Variants in WWOX observed in about 807,000 individuals in gnomAD.
The protein encoded by WWOX is WW domain containing oxidoreductase.
In WWOX, 69 loss-of-function variants were observed where a neutral mutation model predicts 46.2. The observed-to-expected ratio is 1.49, with a 90% CI of 1.23 to 1.82. The LOEUF (loss-of-function observed/expected upper bound fraction) is 1.82, where lower values mean the gene tolerates loss of function less well. Among genes scored for constraint, WWOX ranks in the 40% most tolerant of loss-of-function variants. WWOX has a pLI of 0.00. For synonymous variants in WWOX, 359 were observed against 202.6 expected (o/e 1.77, Z -6.56); for missense variants, 919 against 542.6 (o/e 1.69, Z -6.89).
chr16:79,141,290 T>C (rs1421319390), intron 8 of WWOX, among the ~76,000 whole-genome samples: 1 of 152,178 alleles, frequency 6.6e-6, no homozygotes, highest in Non-Finnish European at 1.5e-5. Flanking sequence ...ACCGAACGAG[T>C]GTTCATCTTG....
At chr16:78,564,690 T>C (rs1317040055) in intron 8 of WWOX, among the ~76,000 whole-genome samples, 5 of 152,242 alleles carry the variant, frequency 3.3e-5, no homozygotes, top group Non-Finnish European at 7.3e-5. Context: ...AATAAATTTC[T>C]GGCACCCTTC....
At chr16:78,977,791 C>G (rs1189702764) in intron 8 of WWOX, among the ~76,000 whole-genome samples, 2 of 152,134 alleles carry the variant, frequency 1.3e-5, no homozygotes, top group African/African-American at 4.8e-5. Flanking sequence ...GCACTCCCAT[C>G]CCAGCCTCAC....
rs77813976 is a variant in WWOX, at chr16:79,005,013, G to C, written c.1057-206595G>C. Among the ~76,000 whole-genome samples, 495 of 152,264 alleles carry C rather than the reference G, an allele frequency of 3.3e-3. 6 individuals are homozygous for C. The highest frequency in any genetic ancestry group is 0.011 in the African/African-American group (467 of 41,548). On this transcript the variant is annotated intron_variant, in intron 8 of 8. Coordinates refer to ENST00000566780, the MANE Select transcript of WWOX (RefSeq NM_016373.4). ...AATAAATGAAAAAGGGGAAGGGAGA[G>C]GGAAGGAAGAGGAAAAAGCACAAAT...
chr16:78,222,723 C>T (rs1164490175), intron 5 of WWOX, among the ~76,000 whole-genome samples: 3 of 152,152 alleles, frequency 2.0e-5, no homozygotes, highest in Admixed American at 2.0e-4. Context: ...GAGCTGGAAG[C>T]GTTTCTCCAT....
At chr16:78,598,416 G>C (rs1457544760) in intron 8 of WWOX, among the ~76,000 whole-genome samples, 1 of 152,122 alleles carries the variant, frequency 6.6e-6, no homozygotes, top group Admixed American at 6.6e-5. Flanking sequence ...GAATTTATAA[G>C]GTATTATTAA....
At chr16:78,927,270 A>G (rs982537686) in intron 8 of WWOX, among the ~76,000 whole-genome samples, 35 of 152,208 alleles carry the variant, frequency 2.3e-4, no homozygotes, top group African/African-American at 7.7e-4. Flanking sequence ...CTTCAGGGAA[A>G]GAACATGACA....
intron 4 of WWOX, among the ~76,000 whole-genome samples, chr16:78,159,286 T>G (rs2034706523): frequency 6.6e-6 from 1 of 152,164 alleles, no homozygotes; most frequent in Non-Finnish European, 1.5e-5. Context: ...GACATATTGT[T>G]GTGATCCTGA....
intron 8 of WWOX, among the ~76,000 whole-genome samples, chr16:79,093,889 C>T (rs376862854): frequency 1.9e-4 from 29 of 152,310 alleles, no homozygotes; most frequent in African/African-American, 6.7e-4. Context: ...CCGCAGCTTC[C>T]TGGCCACTTT....
rs370205084 is a variant in WWOX, at chr16:78,575,143, G to C, written c.1056+142391G>C. On this transcript the variant is annotated intron_variant, in intron 8 of 8. Coordinates refer to ENST00000566780, the MANE Select transcript of WWOX (RefSeq NM_016373.4). The stretch of plus-strand genomic sequence containing the variant: ...TTAAAGTTAAAATACGAAGATTTTT[G>C]AGAAAAACTTTGCATATTTTAATTG... Among the ~76,000 whole-genome samples, 25 of 120,878 alleles carry C rather than the reference G, an allele frequency of 2.1e-4. 1 individual carries two copies. The East Asian group carries it at 5.1e-3, about 25-fold the overall frequency. 79.3% of individuals were successfully genotyped at this position (120,878 alleles called of 152,430 possible).
intron 8 of WWOX, among the ~76,000 whole-genome samples, chr16:78,437,543 C>A (rs886849550): frequency 3.3e-5 from 5 of 152,040 alleles, no homozygotes. Flanking sequence ...GCACAGCGGC[C>A]CCTACTGGTA....
In WWOX at chr16:78,518,010, A is replaced by G. The variant is rs2043274754; in HGVS notation, c.1056+85258A>G. 2.6e-5 allele frequency among the ~76,000 whole-genome samples: 4 copies of G among 151,794 alleles called. No homozygotes were observed. The South Asian group carries it at 8.4e-4, about 32-fold the overall frequency. Reference sequence around the variant, plus strand: ...AGAGAAGTAACAGTCCTTGGTTTGTATTCCAGCCCCCACCTTCCTATGTCT... The same window carrying G: ...AGAGAAGTAACAGTCCTTGGTTTGTGTTCCAGCCCCCACCTTCCTATGTCT... On this transcript the variant is annotated intron_variant, in intron 8 of 8. Coordinates refer to ENST00000566780, the MANE Select transcript of WWOX (RefSeq NM_016373.4).
chr16:79,076,744 ATCT>A (rs780885764), intron 8 of WWOX, among the ~76,000 whole-genome samples: 3 of 152,230 alleles, frequency 2.0e-5, no homozygotes, highest in Admixed American at 6.5e-5. Flanking sequence ...TATTGGTAAC[ATCT>A]TCTTGCTCAG....
intron 8 of WWOX, among the ~76,000 whole-genome samples, chr16:78,827,981 TG>T (rs2051710452): frequency 1.3e-5 from 2 of 152,162 alleles, no homozygotes; most frequent in Admixed American, 1.3e-4. Context: ...GAGTTGCTGT[TG>T]AAATTGTCAG....
chr16:78,368,387 A>G (rs1208861821), intron 5 of WWOX, among the ~76,000 whole-genome samples: 1 of 152,176 alleles, frequency 6.6e-6, no homozygotes, highest in African/African-American at 2.4e-5. Flanking sequence ...TGTAGACCTG[A>G]TATCCCAGAA....
intron 8 of WWOX, among the ~76,000 whole-genome samples, chr16:79,032,679 T>TACAC (rs1451439089): frequency 2.1e-5 from 3 of 144,948 alleles, no homozygotes; most frequent in Non-Finnish European, 4.5e-5. Flanking sequence ...TATATATATA[T>TACAC]ATACACACAC....
chr16:78,757,980 C>A (rs80284154), intron 8 of WWOX, among the ~76,000 whole-genome samples: 4,584 of 152,112 alleles, frequency 0.03, 215 homozygotes, highest in African/African-American at 0.1. Flanking sequence ...ACAACACTGA[C>A]CTTCTATCAG....
chr16:79,166,248 A>G (rs537539403), intron 8 of WWOX, among the ~76,000 whole-genome samples: 1 of 152,102 alleles, frequency 6.6e-6, no homozygotes. Context: ...TCCCCACCTC[A>G]TTCCCCTCAC....
intron 4 of WWOX, among the ~76,000 whole-genome samples, chr16:78,149,533 C>T (rs1000915411): frequency 6.6e-6 from 1 of 152,204 alleles, no homozygotes; most frequent in East Asian, 1.9e-4. Context: ...TTATGTAATA[C>T]AGTAGCTGAA....
intron 8 of WWOX, among the ~76,000 whole-genome samples, chr16:79,191,456 A>G (rs1279427465): frequency 6.6e-6 from 1 of 152,064 alleles, no homozygotes; most frequent in African/African-American, 2.4e-5. Flanking sequence ...GCATTTCCAT[A>G]CATTTTGCTT....
Sources: allele counts gnomAD v4.1 joint callset (sites outside exome capture counted in the v4.1 genomes callset), GRCh38; gene constraint gnomAD v4.1.1; transcripts MANE v1.5; gene names NCBI Gene and HGNC (gene_info 2026-07-23, HGNC 2026-07-21).